The following SYDE2 variants were observed in gnomAD, a reference collection of about 807,000 sequenced individuals.
SYDE2 encodes rho GTPase-activating protein SYDE2.
In SYDE2, 76 loss-of-function variants were observed where a neutral mutation model predicts 91.5. The ratio of observed to expected loss-of-function variants is 0.83; its 90% confidence interval spans 0.69 to 1.01. The LOEUF (loss-of-function observed/expected upper bound fraction) is 1.01, where lower values mean the gene tolerates loss of function less well. Among genes scored for constraint, SYDE2 ranks in the 50% least tolerant of loss-of-function variants. The probability of loss-of-function intolerance (pLI) is 0.00; values close to 1 mark genes in which losing one functional copy is unlikely to be tolerated. For missense variants in SYDE2, 1,364 were observed against 1,367.7 expected (o/e 1.00, Z 0.04); for synonymous variants, 513 against 506.4 (o/e 1.01, Z -0.18).
chr1:85,165,414 A>G (rs1293363461), intron 5 of SYDE2, among the ~76,000 whole-genome samples: 1 of 152,190 alleles, frequency 6.6e-6, no homozygotes, highest in Non-Finnish European at 1.5e-5. Context: ...GGATTAGGGT[A>G]AGAATGTTCA....
In SYDE2 at chr1:85,174,419, A is replaced by AAAAAGAC. The variant is rs1467031886; in HGVS notation, c.2671+3726_2671+3727insGTCTTTT. ...TGGAACATTTACCACAAAAGACCAT[A>AAAAAGAC]TTCTGGGCTTCAAAATAAGCCTAAA... On this transcript the variant is annotated intron_variant, in intron 4 of 6. Transcript: ENST00000341460. Among the ~76,000 whole-genome samples the AAAAAGAC allele has an allele frequency of 8.0e-3, 1,218 of 152,314 alleles. 11 individuals are homozygous for AAAAAGAC. The highest frequency in any genetic ancestry group is 0.028 in the African/African-American group (1,158 of 41,562).
At chr1:85,200,130 T>G in intron 1 of SYDE2, 122 bp downstream of exon 1, 2 of 1,537,072 alleles carry the variant, frequency 1.3e-6, no homozygotes, top group Non-Finnish European at 1.7e-6. Flanking sequence ...ACATGACACT[T>G]ACTTTCGCCC....
At chr1:85,181,335 A>G (rs1016448162) in intron 3 of SYDE2, 10 of 152,016 alleles carry the variant, frequency 6.6e-5, no homozygotes, top group African/African-American at 2.4e-4. Flanking sequence ...TATTTTTAGT[A>G]GAGACAGTTT....
At chr1:85,189,943 T>C in intron 2 of SYDE2, 114 bp downstream of exon 2, 2 of 857,080 alleles carry the variant, frequency 2.3e-6, no homozygotes, top group South Asian at 2.0e-5. Flanking sequence ...ATATATTCAC[T>C]TCACAAGAAA....
chr1:85,163,498 A>G (rs1657153704), intron 6 of SYDE2, among the ~76,000 whole-genome samples: 2 of 140,964 alleles, frequency 1.4e-5, no homozygotes, highest in Admixed American at 1.5e-4. Flanking sequence ...GAGTAACCAA[A>G]GACATTGACT....
intron 1 of SYDE2, among the ~76,000 whole-genome samples, chr1:85,193,721 G>A (rs184121810): frequency 2.6e-5 from 4 of 151,880 alleles, no homozygotes; most frequent in Non-Finnish European, 5.9e-5. Flanking sequence ...CCTCCCAGGC[G>A]CAAGTGATCC....
intron 4 of SYDE2, among the ~76,000 whole-genome samples, chr1:85,172,444 ATTTT>A (rs143586761): frequency 4.0e-5 from 6 of 150,868 alleles, no homozygotes. Flanking sequence ...AATAATATTG[ATTTT>A]TTTTTTCTCA....
chr1:85,155,576 C>T (rs867269809), downstream of SYDE2, among the ~76,000 whole-genome samples: 3 of 152,146 alleles, frequency 2.0e-5, no homozygotes, highest in South Asian at 2.1e-4. Context: ...GCAAATGACA[C>T]ATGGCATGAT....
In SYDE2 at chr1:85,200,750, A is replaced by G. The variant is rs1262711371; in HGVS notation, c.247T>C (p.Cys83Arg). Residue 83 changes from cysteine to arginine, a missense_variant, in exon 1 of 7, where the codon TGC becomes CGC. Physicochemically the swap from Cys to Arg is radical, Grantham distance 180. Transcript: ENST00000341460. The part of the protein sequence containing the change: ...QLRTPRMRPS[C>R]SRSLESLRVG... ...CGGAGGCTCTCGAGGCTTCTGCTGC[A>G]GGACGGCCGCATCCGAGGAGTCCGC... is the stretch of plus-strand genomic sequence containing the variant. 1 of 1,530,434 alleles carries G rather than the reference A, an allele frequency of 6.5e-7. No individual in the cohort carries two copies. Among genetic ancestry groups the G allele is most frequent in the African/African-American group, 1.4e-5 (1 of 72,770 alleles). 94.8% of individuals were successfully genotyped at this position (1,530,434 alleles called of 1,614,324 possible).
chr1:85,178,451 C>T lies in SYDE2; in HGVS notation c.2545-179G>A, dbSNP rs190002197. ...TGTTGATTAGTTTAATAAAAATATCCTATTCTTTCATTTAAATTCAAACAA... is the reference window on the plus strand; with the variant it reads ...TGTTGATTAGTTTAATAAAAATATCTTATTCTTTCATTTAAATTCAAACAA... On this transcript the variant is annotated intron_variant, in intron 3 of 6. Transcript: ENST00000341460. Among the ~76,000 whole-genome samples the T allele has an allele frequency of 3.8e-3, 574 of 152,180 alleles. 1 individual carries two copies. Among genetic ancestry groups the T allele is most frequent in the Middle Eastern group, 0.014 (4 of 294 alleles).
At chr1:85,185,320 T>C (rs1318144392) in intron 2 of SYDE2, among the ~76,000 whole-genome samples, 2 of 150,450 alleles carry the variant, frequency 1.3e-5, no homozygotes, top group Non-Finnish European at 3.0e-5. Context: ...AAAAAGCAGA[T>C]ATAGCATACT....
chr1:85,186,204 TTTA>T (rs1658133414), intron 2 of SYDE2, among the ~76,000 whole-genome samples: 1 of 152,198 alleles, frequency 6.6e-6, no homozygotes, highest in African/African-American at 2.4e-5. Flanking sequence ...TTGCCAGTAT[TTTA>T]TTGAGCATTT....
chr1:85,199,312 T>G (rs193132361), intron 1 of SYDE2, among the ~76,000 whole-genome samples: 2 of 152,186 alleles, frequency 1.3e-5, no homozygotes, highest in Non-Finnish European at 2.9e-5. Flanking sequence ...CCATGTTGTT[T>G]TGGCTCACTT....
intron 6 of SYDE2, chr1:85,159,723 G>A (rs1480602816): frequency 2.1e-6 from 1 of 478,646 alleles, no homozygotes; most frequent in African/African-American, 2.1e-5. Flanking sequence ...ACCCTTGTGG[G>A]CTTTTCTGCA....
Position 85,170,795 on chromosome 1 carries a change from A to C in SYDE2, c.2672-1570T>G, listed in dbSNP as rs145804523. ...CACATTATAGTAGTTCAATGTAAGG[A>C]TGTCCCATAGTCTTATCTATTCAGT... On this transcript the variant is annotated intron_variant, in intron 4 of 6. Coordinates refer to ENST00000341460, the MANE Select transcript of SYDE2 (RefSeq NM_032184.2). Among the ~76,000 whole-genome samples the C allele has an allele frequency of 2.0e-5, 3 of 152,340 alleles. No homozygotes were observed. In the East Asian group the frequency reaches 5.8e-4, roughly 29 times the overall value.
At chr1:85,191,759 A>G (rs951471564) in intron 1 of SYDE2, among the ~76,000 whole-genome samples, 4 of 147,682 alleles carry the variant, frequency 2.7e-5, no homozygotes, top group African/African-American at 9.9e-5. Context: ...TTCCGTCTCA[A>G]AAAAAAAAAA....
chr1:85,158,625 A>C lies in SYDE2; in HGVS notation c.*125T>G. 1.8e-6 allele frequency: 1 copy of C among 559,314 alleles called. No individual in the cohort carries two copies. The highest frequency in any genetic ancestry group is 3.2e-6 in the Non-Finnish European group (1 of 316,962). The allele number at this position is 559,314 out of a possible 1,614,324, so 34.6% of individuals were successfully genotyped here. ...TAGTGTTTTTAATTGAATCAGATAA[A>C]CTTATTAAAAATTAATTAAAGATTT... On this transcript the variant is annotated 3_prime_UTR_variant, in exon 7 of 7. Transcript: ENST00000341460.
At chr1:85,172,388 A>G (rs1420874857) in intron 4 of SYDE2, among the ~76,000 whole-genome samples, 1 of 152,220 alleles carries the variant, frequency 6.6e-6, no homozygotes, top group Non-Finnish European at 1.5e-5. Context: ...GGCACCATTC[A>G]CAGCCTTCTA....
At chr1:85,189,643 C>T (rs756427235) in intron 2 of SYDE2, among the ~76,000 whole-genome samples, 35 of 152,282 alleles carry the variant, frequency 2.3e-4, no homozygotes, top group Non-Finnish European at 4.4e-4. Context: ...CAAGACCAGC[C>T]TGGTCAACAA....
Sources: allele counts gnomAD v4.1 joint callset (sites outside exome capture counted in the v4.1 genomes callset), GRCh38; gene constraint gnomAD v4.1.1; transcripts MANE v1.5; gene names NCBI Gene and HGNC (gene_info 2026-07-23, HGNC 2026-07-21).